NFIA: variants seen among roughly 807,000 people sequenced by gnomAD.
The protein encoded by NFIA is nuclear factor I A, also known as nuclear factor 1 A-type.
In NFIA, 8 loss-of-function variants were observed where a neutral mutation model predicts 62.8. The observed-to-expected ratio is 0.13, with a 90% CI of 0.07 to 0.23. The LOEUF is 0.23. NFIA is among the 10% of genes least tolerant of loss of function. The probability of loss-of-function intolerance (pLI) is 1.00; values close to 1 mark genes in which losing one functional copy is unlikely to be tolerated. For synonymous variants in NFIA, 235 were observed against 238.1 expected (o/e 0.99, Z 0.12); for missense variants, 410 against 642.1 (o/e 0.64, Z 3.91).
chr1:61,456,014 A>T lies in NFIA; in HGVS notation c.*694A>T, dbSNP rs1026661005. The T allele has an allele frequency of 3.3e-5, 5 of 152,730 alleles. No homozygotes were observed. The South Asian group carries it at 1.0e-3, about 32-fold the overall frequency. 9.5% of individuals were successfully genotyped at this position (152,730 alleles called of 1,614,324 possible). A position where few individuals can be genotyped will look rare whatever the true frequency, so the allele number is the denominator to read the frequency against. On this transcript the variant is annotated 3_prime_UTR_variant, in exon 11 of 11. Transcript: ENST00000403491. ...TACTACTACTACTGTTCAGTTTTTTAAAAGTTTTGAAATGCTGCACTTACA... is the reference window on the plus strand; with the variant it reads ...TACTACTACTACTGTTCAGTTTTTTTAAAGTTTTGAAATGCTGCACTTACA...
chr1:61,241,960 G>A (rs536792676), intron 2 of NFIA, among the ~76,000 whole-genome samples: 28 of 152,236 alleles, frequency 1.8e-4, no homozygotes, highest in African/African-American at 6.7e-4. Flanking sequence ...AAATGAGATC[G>A]AAGAGCGTTA....
chr1:61,356,041 A>AGTATC (rs1389462818), intron 5 of NFIA, among the ~76,000 whole-genome samples: 2 of 152,184 alleles, frequency 1.3e-5, no homozygotes, highest in Non-Finnish European at 2.9e-5. Flanking sequence ...AACTCAGAAA[A>AGTATC]GTATCAATAA....
chr1:61,093,386 C>A (rs1231410493), intron 2 of NFIA, among the ~76,000 whole-genome samples: 1 of 151,922 alleles, frequency 6.6e-6, no homozygotes, highest in African/African-American at 2.4e-5. Flanking sequence ...AACTAATATA[C>A]AGTGATATTT....
chr1:61,350,474 A>C (rs1662487424), intron 4 of NFIA, among the ~76,000 whole-genome samples: 1 of 152,090 alleles, frequency 6.6e-6, no homozygotes, highest in African/African-American at 2.4e-5. Flanking sequence ...CTACAAAAGA[A>C]ATTTTTAAAA....
At chr1:61,321,160 C>T (rs2100368006) in intron 3 of NFIA, among the ~76,000 whole-genome samples, 1 of 151,802 alleles carries the variant, frequency 6.6e-6, no homozygotes, top group Admixed American at 6.6e-5. Context: ...TGATACTATG[C>T]TAATTACAGA....
intron 3 of NFIA, among the ~76,000 whole-genome samples, chr1:61,322,749 A>G (rs1451946863): frequency 6.6e-6 from 1 of 152,214 alleles, no homozygotes; most frequent in African/African-American, 2.4e-5. Flanking sequence ...GTATTACAAA[A>G]ACATGAATTT....
intron 2 of NFIA, among the ~76,000 whole-genome samples, chr1:61,238,905 G>A (rs1321306587): frequency 1.3e-5 from 2 of 152,132 alleles, no homozygotes; most frequent in Admixed American, 6.5e-5. Flanking sequence ...TGTAATTTGA[G>A]AAGGGAAGAA....
At chr1:61,089,695 CTTTT>C (rs918196815) in intron 2 of NFIA, among the ~76,000 whole-genome samples, 12 of 107,774 alleles carry the variant, frequency 1.1e-4, no homozygotes, top group African/African-American at 3.2e-4. Flanking sequence ...GTTTTTTTTT[CTTTT>C]TTTTTTTTTT....
At chr1:61,332,775 G>A (rs948240767) in intron 4 of NFIA, among the ~76,000 whole-genome samples, 189 bp downstream of exon 4, 1 of 152,108 alleles carries the variant, frequency 6.6e-6, no homozygotes, top group Non-Finnish European at 1.5e-5. Context: ...TTATTTTGAT[G>A]TGAGGCATAA....
intron 2 of NFIA, among the ~76,000 whole-genome samples, chr1:61,140,186 A>G (rs1297342897): frequency 6.6e-6 from 1 of 152,172 alleles, no homozygotes; most frequent in Non-Finnish European, 1.5e-5. Flanking sequence ...TTGTTTTAAC[A>G]TAGCTCCTTC....
chr1:61,262,762 T>A (rs1165136195), intron 2 of NFIA, among the ~76,000 whole-genome samples: 4 of 152,188 alleles, frequency 2.6e-5, no homozygotes, highest in African/African-American at 4.8e-5. Flanking sequence ...GAAAGAATTG[T>A]CTCAAAGTTA....
intron 2 of NFIA, among the ~76,000 whole-genome samples, chr1:61,234,005 T>G (rs1453842691): frequency 1.3e-5 from 2 of 152,138 alleles, no homozygotes; most frequent in East Asian, 3.9e-4. Flanking sequence ...CTGTTTCTTG[T>G]TTTAAATCAT....
chr1:61,192,103 T>C (rs927580175), intron 2 of NFIA, among the ~76,000 whole-genome samples: 4 of 151,934 alleles, frequency 2.6e-5, no homozygotes, highest in South Asian at 2.1e-4. Flanking sequence ...GGACTACAGG[T>C]GCGTGACACC....
At chr1:61,302,973 TC>T (rs1466245678) in intron 3 of NFIA, among the ~76,000 whole-genome samples, 2 of 152,336 alleles carry the variant, frequency 1.3e-5, no homozygotes, top group East Asian at 1.9e-4. Context: ...AAAAATGTTC[TC>T]CACATTCTAA....
Position 61,456,738 on chromosome 1 carries a change from G to A in NFIA, c.*1418G>A, listed in dbSNP as rs190366843. ...AAATGCTGGTGCCCATTCAGATCAA[G>A]GGTACTTGTTAGGGAAAAAAAAAAA... On this transcript the variant is annotated 3_prime_UTR_variant, in exon 11 of 11. Coordinates refer to ENST00000403491, the MANE Select transcript of NFIA (RefSeq NM_001134673.4). 3.0e-4 allele frequency: 42 copies of A among 141,294 alleles called. No homozygotes were observed. Among genetic ancestry groups the A allele is most frequent in the African/African-American group, 1.2e-3 (41 of 35,610 alleles). The allele number at this position is 141,294 out of a possible 1,614,324, so 8.8% of individuals were successfully genotyped here. A position where few individuals can be genotyped will look rare whatever the true frequency, so the allele number is the denominator to read the frequency against.
At chr1:61,236,993 C>A (rs947380638) in intron 2 of NFIA, among the ~76,000 whole-genome samples, 1 of 152,012 alleles carries the variant, frequency 6.6e-6, no homozygotes. Flanking sequence ...TATCTAGAAC[C>A]CTTCTTCTCA....
chr1:61,290,439 C>T (rs2100306628), intron 3 of NFIA, among the ~76,000 whole-genome samples: 1 of 152,268 alleles, frequency 6.6e-6, no homozygotes, highest in South Asian at 2.1e-4. Context: ...GGTTAATTCT[C>T]CATTTCAAGT....
At chr1:61,179,616 C>G (rs1487249341) in intron 2 of NFIA, among the ~76,000 whole-genome samples, 2 of 152,112 alleles carry the variant, frequency 1.3e-5, no homozygotes, top group Non-Finnish European at 2.9e-5. Flanking sequence ...GTTTGCTTTA[C>G]AAGACACACC....
upstream of NFIA, among the ~76,000 whole-genome samples, chr1:61,078,701 T>C (rs1480501900): frequency 6.6e-6 from 1 of 152,228 alleles, no homozygotes; most frequent in Non-Finnish European, 1.5e-5. Context: ...TTCTTGGCTA[T>C]TCTTGAATTC....
Sources: gnomAD v4.1 joint callset for allele counts (sites outside exome capture counted in the v4.1 genomes callset) on GRCh38, gnomAD v4.1.1 for gene constraint, MANE v1.5 for transcripts, NCBI Gene and HGNC (gene_info 2026-07-23, HGNC 2026-07-21) for gene names.